MICAL2: variants seen among roughly 807,000 people sequenced by gnomAD.
The protein encoded by MICAL2 is [F-actin]-monooxygenase MICAL2.
Under a neutral mutation model 127.3 loss-of-function variants are expected in MICAL2, and 77 were observed. That is an observed-to-expected ratio of 0.60 (90% confidence interval 0.50 to 0.73). MICAL2 has a LOEUF of 0.73. MICAL2 is among the 30% of genes least tolerant of loss of function. MICAL2 has a pLI of 0.00. For missense variants in MICAL2, 1,351 were observed against 1,434.4 expected, an observed-to-expected ratio of 0.94 and a Z score of 0.94; for synonymous variants, 570 against 551.1, an observed-to-expected ratio of 1.03 and a Z score of -0.48.
At chr11:12,185,155 G>GGA (rs1180709004) in intron 3 of MICAL2, among the ~76,000 whole-genome samples, 2 of 87,434 alleles carry the variant, frequency 2.3e-5, no homozygotes, top group Non-Finnish European at 2.5e-5. Context: ...ATGGGTGGGT[G>GGA]TGTGGATGAA....
intron 3 of MICAL2, among the ~76,000 whole-genome samples, chr11:12,172,504 C>G (rs1324258630): frequency 6.6e-6 from 1 of 152,060 alleles, no homozygotes; most frequent in Non-Finnish European, 1.5e-5. Context: ...TCCTACTTGG[C>G]CTTTCAGTAA....
chr11:12,321,633 C>G (rs138156782), intron 30 of MICAL2, among the ~76,000 whole-genome samples: 187 of 118,716 alleles, frequency 1.6e-3, no homozygotes, highest in African/African-American at 5.3e-3. Flanking sequence ...AAGAACTGTG[C>G]CTTGTATATG....
chr11:12,314,244 A>AT, intron 29 of MICAL2, among the ~76,000 whole-genome samples: 1 of 151,262 alleles, frequency 6.6e-6, no homozygotes, highest in African/African-American at 2.4e-5. Flanking sequence ...TGACTTGTTC[A>AT]TTTTTTCTCT....
At chr11:12,355,001 A>G (rs996160332) in intron 34 of MICAL2, 6 of 692,010 alleles carry the variant, frequency 8.7e-6, no homozygotes, top group Non-Finnish European at 1.5e-5. Context: ...GCCTCCCACC[A>G]GCAGCACCAC....
At chr11:12,154,978 C>A (rs533266573) in intron 2 of MICAL2, among the ~76,000 whole-genome samples, 1 of 152,270 alleles carries the variant, frequency 6.6e-6, no homozygotes, top group East Asian at 1.9e-4. Flanking sequence ...GATATGGAGG[C>A]ATTTACTCAC....
intron 29 of MICAL2, among the ~76,000 whole-genome samples, chr11:12,302,794 G>T (rs764277267): frequency 2.0e-5 from 3 of 152,102 alleles, no homozygotes; most frequent in Non-Finnish European, 4.4e-5. Flanking sequence ...TCCCAAGTTA[G>T]CAGGGATTAC....
intron 29 of MICAL2, among the ~76,000 whole-genome samples, chr11:12,302,446 T>C (rs1864058474): frequency 6.6e-6 from 1 of 152,224 alleles, no homozygotes. Context: ...TTGTTTTGTT[T>C]TGTTGATGTT....
Position 12,299,686 on chromosome 11 carries a change from A to C in MICAL2, c.5212+4829A>C, listed in dbSNP as rs1864024475. Among the ~76,000 whole-genome samples, 4 of 152,202 alleles carry C rather than the reference A, an allele frequency of 2.6e-5. No individual in the cohort carries two copies. The South Asian group carries it at 8.3e-4, about 31-fold the overall frequency. ...ATAAACGTTTTTATTGCAGTATTAC[A>C]TACATACAGTAACATCCGCAAATGT... is the stretch of plus-strand genomic sequence containing the variant. On this transcript the variant is annotated intron_variant, in intron 29 of 34. Coordinates refer to the MICAL2 transcript ENST00000646065.
intron 33 of MICAL2, among the ~76,000 whole-genome samples, chr11:12,352,105 G>T (rs1939059766): frequency 6.6e-6 from 1 of 152,126 alleles, no homozygotes. Flanking sequence ...AACTTTTTAA[G>T]TTGATGCATA....
intron 1 of MICAL2, among the ~76,000 whole-genome samples, chr11:12,115,983 T>C (rs540590626): frequency 6.0e-5 from 9 of 150,988 alleles, no homozygotes; most frequent in East Asian, 1.9e-4. Flanking sequence ...CCTTTCTTTT[T>C]TTTTTTTTTT....
chr11:12,310,008 A>ATT (rs935008561), intron 29 of MICAL2, among the ~76,000 whole-genome samples: 1 of 151,822 alleles, frequency 6.6e-6, no homozygotes, highest in African/African-American at 2.4e-5. Context: ...GGCCTTTTGC[A>ATT]TTTTTTATTT....
chr11:12,243,513 G>A (rs142580420), intron 20 of MICAL2: 22 of 161,516 alleles, frequency 1.4e-4, no homozygotes, highest in African/African-American at 2.9e-4. Flanking sequence ...AGTCACTGGC[G>A]TGGGAAGGAT....
chr11:12,182,416 C>A (rs1161754621), intron 3 of MICAL2, among the ~76,000 whole-genome samples: 1 of 152,074 alleles, frequency 6.6e-6, no homozygotes, highest in Non-Finnish European at 1.5e-5. Flanking sequence ...TGACTGGGGG[C>A]CAATTACTGG....
intron 15 of MICAL2, among the ~76,000 whole-genome samples, chr11:12,231,695 C>A (rs1204508559): frequency 2.6e-5 from 4 of 152,232 alleles, no homozygotes; most frequent in African/African-American, 9.6e-5. Flanking sequence ...TCTCACAGAA[C>A]CACACGCCCA....
At chr11:12,264,723 G>A (rs879571805), downstream of MICAL2, among the ~76,000 whole-genome samples, 1 of 152,166 alleles carries the variant, frequency 6.6e-6, no homozygotes, top group Non-Finnish European at 1.5e-5. Context: ...TCTTACCTGG[G>A]TGATATATTC....
chr11:12,309,227 T>G (rs1232918495), intron 29 of MICAL2, among the ~76,000 whole-genome samples: 3 of 152,328 alleles, frequency 2.0e-5, no homozygotes, highest in African/African-American at 7.2e-5. Flanking sequence ...AAATTTACTA[T>G]AAATCATTGT....
chr11:12,354,612 G>A (rs1019586328), intron 33 of MICAL2, among the ~76,000 whole-genome samples: 7 of 152,110 alleles, frequency 4.6e-5, no homozygotes, highest in African/African-American at 1.7e-4. Flanking sequence ...CAGTCCAGAC[G>A]ACAAAGACTC....
intron 29 of MICAL2, among the ~76,000 whole-genome samples, chr11:12,308,919 G>A (rs568654166): frequency 6.6e-6 from 1 of 152,312 alleles, no homozygotes; most frequent in African/African-American, 2.4e-5. Context: ...AGCTTGCTAT[G>A]AGTTTTAATC....
At chr11:12,360,222 C>T (rs1272471333), downstream of MICAL2, among the ~76,000 whole-genome samples, 1 of 150,888 alleles carries the variant, frequency 6.6e-6, no homozygotes, top group Admixed American at 6.6e-5. Context: ...TGTACCACTT[C>T]TGGATATTTA....
Sources: allele counts gnomAD v4.1 joint callset (sites outside exome capture counted in the v4.1 genomes callset), GRCh38; gene constraint gnomAD v4.1.1; transcripts MANE v1.5; gene names NCBI Gene and HGNC (gene_info 2026-07-23, HGNC 2026-07-21).